The following MYBPC2 variants were observed in gnomAD, a reference collection of about 807,000 sequenced individuals.
MYBPC2 encodes myosin-binding protein C, fast-type.
Under a neutral mutation model 137.0 loss-of-function variants are expected in MYBPC2, and 122 were observed. The ratio of observed to expected loss-of-function variants is 0.89; its 90% CI spans 0.77 to 1.03. MYBPC2 has a LOEUF of 1.03. Ranked by LOEUF, MYBPC2 falls within the 50% of genes least tolerant of loss-of-function variation. The probability of loss-of-function intolerance (pLI) is 0.00; values close to 1 mark genes in which losing one functional copy is unlikely to be tolerated. For missense variants in MYBPC2, 1,500 were observed against 1,534.4 expected (o/e 0.98, Z 0.37); for synonymous variants, 626 against 612.3 (o/e 1.02, Z -0.33).
chr19:50,452,460 GTATC>G (rs1365912805), intron 16 of MYBPC2, among the ~76,000 whole-genome samples: 65 of 149,012 alleles, frequency 4.4e-4, no homozygotes, highest in African/African-American at 1.0e-3. Flanking sequence ...ATCTATCTAT[GTATC>G]TGTGTATGTA....
chr19:50,449,914 G>C (rs1293467566), intron 13 of MYBPC2, among the ~76,000 whole-genome samples: 1 of 152,168 alleles, frequency 6.6e-6, no homozygotes, highest in Non-Finnish European at 1.5e-5. Flanking sequence ...CTAGCACTTT[G>C]GGAGGCTGAG....
intron 24 of MYBPC2, among the ~76,000 whole-genome samples, chr19:50,460,872 G>A (rs1357616952): frequency 6.6e-6 from 1 of 151,852 alleles, no homozygotes; most frequent in African/African-American, 2.4e-5. Context: ...GCTAATTTTT[G>A]TAGAGACAGG....
intron 4 of MYBPC2, among the ~76,000 whole-genome samples, chr19:50,436,364 G>A (rs1263444683): frequency 6.6e-6 from 1 of 152,192 alleles, no homozygotes; most frequent in Non-Finnish European, 1.5e-5. Flanking sequence ...GGGTGGGGAT[G>A]CATTAGGGCT....
In MYBPC2 at chr19:50,455,627, A is replaced by G. The variant is rs1601294052; in HGVS notation, c.2321A>G (p.Glu774Gly). ...GAGGIDGYLV[E>G]YCLEGSEEWV... ...GGTGGCATCGATGGGTACCTGGTGG[A>G]GTACTGCCTGGAAGGCTGTGAGTGA... The change falls in exon 20 of 28, where the codon GAG (glutamate) becomes GGG (glycine). Residue 774 changes from glutamate (E) to glycine (G), a missense_variant. Transcript: ENST00000357701. The G allele has an allele frequency of 1.2e-6, 2 of 1,613,774 alleles. No homozygotes were observed. The highest frequency in any genetic ancestry group is 2.2e-5 in the East Asian group (1 of 44,892).
intron 18 of MYBPC2, 49 bp downstream of exon 18, chr19:50,454,418 CTGTTTT>C (rs775647731): frequency 2.9e-4 from 234 of 795,796 alleles, no homozygotes; most frequent in Admixed American, 1.6e-3. Flanking sequence ...TTTCTGCCTT[CTGTTTT>C]TTTTTTTTTT....
rs552813880 is a variant in MYBPC2 at position 50,433,436 on chromosome 19, G to A, written c.19+464G>A. Among the ~76,000 whole-genome samples, 3 of 149,488 alleles carry A rather than the reference G, an allele frequency of 2.0e-5. No individual in the cohort carries two copies. The Admixed American group carries it at 2.0e-4, about 10-fold the overall frequency. On this transcript the variant is annotated intron_variant, in intron 1 of 27. Transcript: ENST00000357701. ...GGTTTTTTTTTTGAGATGGAGTCTC[G>A]CTCTGCCCCCGGGGCTGGACTGCAT...
intron 13 of MYBPC2, among the ~76,000 whole-genome samples, chr19:50,450,047 C>A (rs1001520814): frequency 7.2e-5 from 11 of 152,052 alleles, no homozygotes; most frequent in African/African-American, 2.2e-4. Flanking sequence ...GTCCCAGCTA[C>A]TCGGGAGGCT....
At position 50,443,420 on chromosome 19, in the gene MYBPC2, A is replaced by G. The variant is rs2039773312; in HGVS notation, c.903-74A>G. ...GAGAGAGAGAGAGACTTGCCTTGAGAACAGGTAAGCAGAGCTACCCCAGGG... is the reference window on the plus strand; with the variant it reads ...GAGAGAGAGAGAGACTTGCCTTGAGGACAGGTAAGCAGAGCTACCCCAGGG... On this transcript the variant is annotated intron_variant, in intron 9 of 27. Transcript: ENST00000357701. 2.6e-6 allele frequency: 4 copies of G among 1,549,570 alleles called. No homozygotes were observed. In the South Asian group the frequency reaches 4.8e-5, roughly 19 times the overall value.
In MYBPC2 at chr19:50,461,974, G is replaced by A. The variant is rs773072851; in HGVS notation, c.3166G>A (p.Asp1056Asn). 4.4e-6 allele frequency: 7 copies of A among 1,582,104 alleles called. No individual in the cohort carries two copies. The South Asian group carries it at 6.9e-5, about 16-fold the overall frequency. ...TCCCAAGTTCCTGACACCTCTCATAGACCGCGTGGTCGTGGCTGGGTACTC... is the reference window on the plus strand; with the variant it reads ...TCCCAAGTTCCTGACACCTCTCATAAACCGCGTGGTCGTGGCTGGGTACTC... The part of the protein sequence containing the change: ...MAPKFLTPLI[D>N]RVVVAGYSAA... The change falls in exon 26 of 28, where the codon GAC (aspartate) becomes AAC (asparagine). Residue 1056 changes from aspartate (D) to asparagine (N), a missense_variant. Asp to Asn is a conservative substitution (Grantham distance 23). Transcript: ENST00000357701.
At chr19:50,460,593 A>T (rs762189481) in intron 24 of MYBPC2, among the ~76,000 whole-genome samples, 5 of 152,152 alleles carry the variant, frequency 3.3e-5, no homozygotes, top group Non-Finnish European at 5.9e-5. Context: ...TACACATGGA[A>T]TCCTAGCTAT....
chr19:50,455,792 T>G, intron 20 of MYBPC2, 148 bp downstream of exon 20: 1 of 1,215,198 alleles, frequency 8.2e-7, no homozygotes, highest in African/African-American at 1.5e-5. Flanking sequence ...GTCTCTGGGA[T>G]GGGACCCCCC....
Position 50,448,302 on chromosome 19 carries a change from G to A in MYBPC2, c.1384G>A (p.Val462Met), listed in dbSNP as rs768971834. Residue 462 changes from valine (V) to methionine (M), a missense_variant, in exon 13 of 28, where the codon GTG (valine) becomes ATG (methionine). By Grantham distance (21) the Val-to-Met change is conservative. Transcript: ENST00000357701. Reference protein sequence around the residue: ...ASEQAVFKCEVSDEKVTGKWY... With the variant: ...ASEQAVFKCEMSDEKVTGKWY... Reference sequence around the variant, plus strand: ...AGAACAAGCTGTGTTCAAGTGCGAGGTGTCTGATGAGAAAGTGACGGGCAA... The same window carrying A: ...AGAACAAGCTGTGTTCAAGTGCGAGATGTCTGATGAGAAAGTGACGGGCAA... 2 of 1,613,926 alleles carry A rather than the reference G, an allele frequency of 1.2e-6. No individual in the cohort carries two copies. The highest frequency in any genetic ancestry group is 4.5e-5 in the East Asian group (2 of 44,886).
intron 5 of MYBPC2, 110 bp downstream of exon 5, chr19:50,436,844 A>G (rs1310622038): frequency 2.1e-6 from 2 of 932,318 alleles, no homozygotes; most frequent in African/African-American, 3.3e-5. Flanking sequence ...AGGTGGGCAC[A>G]GGTTTTTGGA....
At chr19:50,462,097 T>G in intron 26 of MYBPC2, 61 bp downstream of exon 26, 1 of 1,510,674 alleles carries the variant, frequency 6.6e-7, no homozygotes, top group Non-Finnish European at 8.9e-7. Flanking sequence ...TTCCATACAA[T>G]GAAGCCCACT....
At chr19:50,460,763 A>G (rs1200272441) in intron 24 of MYBPC2, among the ~76,000 whole-genome samples, 1 of 151,816 alleles carries the variant, frequency 6.6e-6, no homozygotes, top group East Asian at 1.9e-4. Context: ...CAGTGGTGCA[A>G]TCTTGGCTCA....
chr19:50,460,432 C>T (rs1309246340), intron 24 of MYBPC2, among the ~76,000 whole-genome samples: 1 of 152,142 alleles, frequency 6.6e-6, no homozygotes, highest in Non-Finnish European at 1.5e-5. Context: ...GCACTTAGGA[C>T]ATCTGCAGGG....
chr19:50,455,432 T>C (rs2039900332), intron 19 of MYBPC2, 78 bp from the exon 20 acceptor site: 24 of 1,571,322 alleles, frequency 1.5e-5, no homozygotes, highest in Non-Finnish European at 2.0e-5. Context: ...CCAATCATTC[T>C]ACCTCTGACT....
Position 50,432,893 on chromosome 19 carries a change from T to C in MYBPC2, c.-61T>C, listed in dbSNP as rs1601277693. On this transcript the variant is annotated 5_prime_UTR_variant, in exon 1 of 28. Coordinates refer to ENST00000357701, the MANE Select transcript of MYBPC2 (RefSeq NM_004533.4). The surrounding 1 kb of genome is among the most constrained non-coding windows in gnomAD (Gnocchi z 5.5). ...AAGGCTCCCCTTAGGGGCCCACCTG[T>C]CCTCCCTAGGGCCTAGCGGGACGCG... 2 of 1,583,180 alleles carry C rather than the reference T, an allele frequency of 1.3e-6. No individual in the cohort carries two copies. Among genetic ancestry groups the C allele is most frequent in the South Asian group, 2.3e-5 (2 of 87,038 alleles).
chr19:50,458,994 C>T lies in MYBPC2; in HGVS notation c.2583C>T (p.Val861=), dbSNP rs1180489308. 1 of 1,611,422 alleles carries T rather than the reference C, an allele frequency of 6.2e-7. No individual in the cohort carries two copies. Among genetic ancestry groups the T allele is most frequent in the Admixed American group, 1.7e-5 (1 of 59,874 alleles). The part of the protein sequence containing the change: ...IRKVGEQLNL[V]VPFQGKPRPQ... Reference sequence around the variant, plus strand: ...AAGTGGGCGAGCAGCTCAACCTTGTCGTCCCCTTCCAGGTCAGGGGAGCGG... The same window carrying T: ...AAGTGGGCGAGCAGCTCAACCTTGTTGTCCCCTTCCAGGTCAGGGGAGCGG... Residue 861 remains valine, a synonymous_variant, in exon 22 of 28, where the codon GTC becomes GTT. Transcript: ENST00000357701.
Sources: allele counts gnomAD v4.1 joint callset (sites outside exome capture counted in the v4.1 genomes callset), GRCh38; gene constraint gnomAD v4.1.1; non-coding constraint Gnocchi (gnomAD v3.1); transcripts MANE v1.5; gene names NCBI Gene and HGNC (gene_info 2026-07-23, HGNC 2026-07-21).